HTR5A: variants seen among roughly 807,000 people sequenced by gnomAD.
HTR5A encodes the protein 5-hydroxytryptamine receptor 5A.
A neutral mutation model predicts 24.3 loss-of-function variants in HTR5A; 21 were observed. That is an observed-to-expected ratio of 0.86 (90% CI 0.61 to 1.24). The LOEUF (loss-of-function observed/expected upper bound fraction) is 1.24, where lower values mean the gene tolerates loss of function less well. Among genes scored for constraint, HTR5A ranks in the 50% most tolerant of loss-of-function variants. The probability of loss-of-function intolerance (pLI) is 0.00; values close to 1 mark genes in which losing one functional copy is unlikely to be tolerated. For synonymous variants in HTR5A, 260 were observed against 213.7 expected, an observed-to-expected ratio of 1.22 and a Z score of -1.89; for missense variants, 497 against 489.5, an observed-to-expected ratio of 1.02 and a Z score of -0.15.
chr7:155,071,255 C>T lies in HTR5A; in HGVS notation c.356C>T (p.Ala119Val). The T allele has an allele frequency of 1.2e-6, 2 of 1,605,754 alleles. No homozygotes were observed. Among genetic ancestry groups the T allele is most frequent in the Non-Finnish European group, 1.7e-6 (2 of 1,179,906 alleles). Reference sequence around the variant, plus strand: ...CGGAGGCTGTGCCAGCTTTGGATCGCGTGCGACGTGCTTTGCTGCACGGCC... The same window carrying T: ...CGGAGGCTGTGCCAGCTTTGGATCGTGTGCGACGTGCTTTGCTGCACGGCC... ...LGRRLCQLWI[A>V]CDVLCCTASI... Residue 119 changes from alanine to valine, a missense_variant, in exon 1 of 2, where the codon GCG (alanine) becomes GTG (valine). Coordinates refer to ENST00000287907, the MANE Select transcript of HTR5A (RefSeq NM_024012.4).
In HTR5A at chr7:155,070,703, G is replaced by A. The variant is rs555748380; in HGVS notation, c.-197G>A. The A allele has an allele frequency of 3.4e-4, 211 of 626,700 alleles. No individual in the cohort carries two copies. Among genetic ancestry groups the A allele is most frequent in the South Asian group, 2.8e-3 (140 of 50,530 alleles). The allele number at this position is 626,700 out of a possible 1,614,324, so 38.8% of individuals were successfully genotyped here. On this transcript the variant is annotated 5_prime_UTR_variant, in exon 1 of 2. Transcript: ENST00000287907. ...CTTAGCCTCTGAGGGCTTCAGACCT[G>A]CCGCGCTTGCAGCCACACCATCTCC...
chr7:155,071,744 T>A (rs1795298040), intron 1 of HTR5A, 104 bp downstream of exon 1: 1 of 1,299,292 alleles, frequency 7.7e-7, no homozygotes, highest in Non-Finnish European at 1.1e-6. Context: ...TGGAACTTTT[T>A]GTGTTTGGGA....
At chr7:155,082,183 C>T (rs758105547) in intron 1 of HTR5A, among the ~76,000 whole-genome samples, 7 of 152,014 alleles carry the variant, frequency 4.6e-5, no homozygotes, top group Admixed American at 2.0e-4. Flanking sequence ...ACACTGTGAA[C>T]AGCATCCATG....
Position 155,071,133 on chromosome 7 carries a change from G to T in HTR5A, c.234G>T (p.Leu78=). The change falls in exon 1 of 2, where the codon CTG becomes CTT. Residue 78 remains leucine (L), a synonymous_variant. Transcript: ENST00000287907. ...CCTTCCACCGCGTGCCCCACAACCT[G>T]GTGGCATCCATGGCCGTCTCGGATG... ...VRTFHRVPHN[L]VASMAVSDVL... 3.1e-6 allele frequency: 5 copies of T among 1,605,412 alleles called. No individual in the cohort carries two copies. The highest frequency in any genetic ancestry group is 4.2e-6 in the Non-Finnish European group (5 of 1,179,946).
Position 155,086,673 on chromosome 7 carries a change from G to A in HTR5A, c.*2186G>A, listed in dbSNP as rs1160619789. On this transcript the variant is annotated 3_prime_UTR_variant, in exon 2 of 2. Transcript: ENST00000287907. ...GCAAGAAACATTCCACATAAGAGAA[G>A]GAAGAAGTGGCAATTAATGAATTAT... Among the ~76,000 whole-genome samples the A allele has an allele frequency of 6.6e-6, 1 of 152,138 alleles. No homozygotes were observed. Among genetic ancestry groups the A allele is most frequent in the Non-Finnish European group, 1.5e-5 (1 of 68,028 alleles).
intron 1 of HTR5A, among the ~76,000 whole-genome samples, chr7:155,078,438 G>A (rs4376458): frequency 0.9 from 136,627 of 152,174 alleles, 63,143 homozygotes; most frequent in East Asian, 1. Context: ...TCAGCCTCCC[G>A]AGTAGCTGGG....
At chr7:155,072,558 G>T (rs1242087956) in intron 1 of HTR5A, among the ~76,000 whole-genome samples, 1 of 152,068 alleles carries the variant, frequency 6.6e-6, no homozygotes, top group African/African-American at 2.4e-5. Context: ...GATTCTGCAG[G>T]CTGCTCCCCC....
rs1486611660 is a variant in HTR5A, at chr7:155,087,381, T to A, written c.*2894T>A. ...TATTAAAGAGAAAATAAAGATTGAG[T>A]CCACAGCTCAAGTGCTGAGTGAAAG... On this transcript the variant is annotated 3_prime_UTR_variant, in exon 2 of 2. Coordinates refer to ENST00000287907, the MANE Select transcript of HTR5A (RefSeq NM_024012.4). Among the ~76,000 whole-genome samples, 2 of 152,140 alleles carry A rather than the reference T, an allele frequency of 1.3e-5. No individual in the cohort carries two copies. Among genetic ancestry groups the A allele is most frequent in the Admixed American group, 1.3e-4 (2 of 15,286 alleles).
rs1795462763 is a variant in HTR5A, at chr7:155,085,146, T to C, written c.*659T>C. 1 of 152,250 alleles carries C rather than the reference T, an allele frequency of 6.6e-6. No homozygotes were observed. The highest frequency in any genetic ancestry group is 2.1e-4 in the South Asian group (1 of 4,832). The allele number at this position is 152,250 out of a possible 1,614,324, so 9.4% of individuals were successfully genotyped here. On this transcript the variant is annotated 3_prime_UTR_variant, in exon 2 of 2. Transcript: ENST00000287907. ...ACACAACTATGAAAGAGGCAGGTGT[T>C]CTAGCTAGCTAGTTTACTCCAAAAT...
chr7:155,080,770 A>G (rs1795407999), intron 1 of HTR5A, among the ~76,000 whole-genome samples: 1 of 152,200 alleles, frequency 6.6e-6, no homozygotes, highest in Non-Finnish European at 1.5e-5. Context: ...GAGTTTACTC[A>G]GAATGAGGCT....
intron 1 of HTR5A, among the ~76,000 whole-genome samples, chr7:155,079,841 C>A (rs1795397203): frequency 6.6e-6 from 1 of 152,084 alleles, no homozygotes; most frequent in South Asian, 2.1e-4. Context: ...TGATTGTCCG[C>A]ACAACTATCA....
In HTR5A at chr7:155,084,675, A is replaced by T. The variant is rs980443; in HGVS notation, c.*188A>T. On this transcript the variant is annotated 3_prime_UTR_variant, in exon 2 of 2. Coordinates refer to ENST00000287907, the MANE Select transcript of HTR5A (RefSeq NM_024012.4). ...TAGGAATATGACTCCTCATAGAGTTACGGTGACATGATGTATCTAACTTAT... is the reference window on the plus strand; with the variant it reads ...TAGGAATATGACTCCTCATAGAGTTTCGGTGACATGATGTATCTAACTTAT... 0.91 allele frequency: 527,596 copies of T among 581,520 alleles called. 243,132 individuals are homozygous for T. The highest frequency in any genetic ancestry group is 0.96 in the Non-Finnish European group (317,516 of 330,900). 36.0% of individuals were successfully genotyped at this position (581,520 alleles called of 1,614,324 possible). A position where few individuals can be genotyped will look rare whatever the true frequency, so the allele number is the denominator to read the frequency against.
At chr7:155,083,781 G>A (rs1316883126) in intron 1 of HTR5A, among the ~76,000 whole-genome samples, 1 of 152,068 alleles carries the variant, frequency 6.6e-6, no homozygotes, top group Non-Finnish European at 1.5e-5. Context: ...GGTCCTAAGT[G>A]TACAGGATTT....
At chr7:155,081,686 T>C (rs553913619) in intron 1 of HTR5A, among the ~76,000 whole-genome samples, 1 of 152,172 alleles carries the variant, frequency 6.6e-6, no homozygotes, top group Non-Finnish European at 1.5e-5. Context: ...ATTGCAATCA[T>C]GGATTAGAAG....
intron 1 of HTR5A, among the ~76,000 whole-genome samples, chr7:155,080,496 G>A (rs1464091454): frequency 6.6e-6 from 1 of 151,362 alleles, no homozygotes; most frequent in Non-Finnish European, 1.5e-5. Flanking sequence ...GAATGCACTT[G>A]TGGCCCAAGG....
chr7:155,084,599 T>C lies in HTR5A; in HGVS notation c.*112T>C. 2.3e-6 allele frequency: 2 copies of C among 858,944 alleles called. No homozygotes were observed. Among genetic ancestry groups the C allele is most frequent in the Non-Finnish European group, 3.6e-6 (2 of 552,042 alleles). 53.2% of individuals were successfully genotyped at this position (858,944 alleles called of 1,614,324 possible). A position where few individuals can be genotyped will look rare whatever the true frequency, so the allele number is the denominator to read the frequency against. ...ATGTGGACGGGATGAATCCTCACCA[T>C]TCTCCAGGGTCATCTTCAGAACTGC... On this transcript the variant is annotated 3_prime_UTR_variant, in exon 2 of 2. Transcript: ENST00000287907.
intron 1 of HTR5A, among the ~76,000 whole-genome samples, chr7:155,072,938 C>T (rs1337787236): frequency 6.6e-6 from 1 of 152,138 alleles, no homozygotes; most frequent in Non-Finnish European, 1.5e-5. Context: ...CAGAGGCTAC[C>T]TGTTCTTTTA....
chr7:155,087,207 T>G lies in HTR5A; in HGVS notation c.*2720T>G, dbSNP rs1795486489. Among the ~76,000 whole-genome samples the G allele has an allele frequency of 7.5e-6, 1 of 132,996 alleles. No homozygotes were observed. The highest frequency in any genetic ancestry group is 8.0e-5 in the Admixed American group (1 of 12,506). The allele number at this position is 132,996 out of a possible 152,430, so 87.3% of individuals were successfully genotyped here. Reference sequence around the variant, plus strand: ...GAGTCTGTATTGACATCAGACCATATTGTAGGGATTAATTCTTGATAAAAA... The same window carrying G: ...GAGTCTGTATTGACATCAGACCATAGTGTAGGGATTAATTCTTGATAAAAA... On this transcript the variant is annotated 3_prime_UTR_variant, in exon 2 of 2. Coordinates refer to ENST00000287907, the MANE Select transcript of HTR5A (RefSeq NM_024012.4).
At chr7:155,074,072 C>G (rs930585432) in intron 1 of HTR5A, among the ~76,000 whole-genome samples, 2 of 151,826 alleles carry the variant, frequency 1.3e-5, no homozygotes, top group African/African-American at 4.8e-5. Context: ...TAATTACAAA[C>G]CAGGCCTCCT....
Sources: gnomAD v4.1 joint callset for allele counts (sites outside exome capture counted in the v4.1 genomes callset) on GRCh38, gnomAD v4.1.1 for gene constraint, MANE v1.5 for transcripts, NCBI Gene and HGNC (gene_info 2026-07-23, HGNC 2026-07-21) for gene names.